Variants in GRID2 observed in about 807,000 individuals in gnomAD.
GRID2 encodes glutamate ionotropic receptor delta type subunit 2.
A neutral mutation model predicts 114.8 loss-of-function variants in GRID2; 33 were observed. The ratio of observed to expected loss-of-function variants is 0.29; its 90% CI spans 0.22 to 0.38. GRID2 has a LOEUF of 0.38. GRID2 is among the 10% of genes least tolerant of loss of function. The pLI is 1.00. For synonymous variants in GRID2, 505 were observed against 449.9 expected (o/e 1.12, Z -1.55); for missense variants, 1,184 against 1,257.7 (o/e 0.94, Z 0.89).
intron 8 of GRID2, among the ~76,000 whole-genome samples, chr4:93,272,739 G>GGA (rs375730647): frequency 8.5e-4 from 130 of 152,264 alleles, no homozygotes; most frequent in African/African-American, 3.0e-3. Flanking sequence ...AGACTGGTGT[G>GGA]GAGACTACTG....
At chr4:93,205,440 G>T (rs2149466794) in intron 4 of GRID2, among the ~76,000 whole-genome samples, 1 of 152,166 alleles carries the variant, frequency 6.6e-6, no homozygotes, top group East Asian at 1.9e-4. Flanking sequence ...AGTTTGCTGA[G>T]AATGATGGTT....
chr4:92,913,243 C>T (rs1035571281), intron 2 of GRID2, among the ~76,000 whole-genome samples: 1 of 151,840 alleles, frequency 6.6e-6, no homozygotes, highest in African/African-American at 2.4e-5. Context: ...TTTGTCTCCT[C>T]ACCTTGGTTC....
At chr4:93,420,401 A>C (rs977121002) in intron 9 of GRID2, among the ~76,000 whole-genome samples, 68 of 152,334 alleles carry the variant, frequency 4.5e-4, no homozygotes, top group African/African-American at 1.4e-3. Flanking sequence ...GGCTAGCTCT[A>C]TAAGTTGTCC....
At chr4:92,775,167 A>G (rs981009452) in intron 2 of GRID2, among the ~76,000 whole-genome samples, 4 of 152,110 alleles carry the variant, frequency 2.6e-5, no homozygotes, top group African/African-American at 7.2e-5. Context: ...TCTTCTTCCA[A>G]TTACTCAGAA....
intron 1 of GRID2, among the ~76,000 whole-genome samples, chr4:93,779,662 C>T (rs1734440861): frequency 6.6e-6 from 1 of 152,090 alleles, no homozygotes; most frequent in African/African-American, 2.4e-5. Flanking sequence ...AGAAAAAATA[C>T]TCTATGAAAA....
intron 2 of GRID2, among the ~76,000 whole-genome samples, chr4:92,675,795 C>G (rs951473193): frequency 6.6e-6 from 1 of 151,936 alleles, no homozygotes; most frequent in Non-Finnish European, 1.5e-5. Context: ...AACTCGTGAT[C>G]CACCCGCCTC....
chr4:92,505,505 G>T (rs1378038333), intron 1 of GRID2, among the ~76,000 whole-genome samples: 1 of 151,824 alleles, frequency 6.6e-6, no homozygotes, highest in Non-Finnish European at 1.5e-5. Flanking sequence ...ATAAAATTTT[G>T]CACAGTCAAT....
chr4:93,517,957 G>A (rs58044371), intron 13 of GRID2, among the ~76,000 whole-genome samples: 53 of 35,638 alleles, frequency 1.5e-3, no homozygotes, highest in Non-Finnish European at 2.1e-3. Flanking sequence ...ACATGTATAT[G>A]TATGTATATA....
At chr4:93,534,248 C>T (rs1731798130) in intron 13 of GRID2, among the ~76,000 whole-genome samples, 1 of 152,072 alleles carries the variant, frequency 6.6e-6, no homozygotes, top group South Asian at 2.1e-4. Flanking sequence ...ATGTCACTTA[C>T]TAATATATAA....
In GRID2 at chr4:92,319,467, G is replaced by C. The variant is rs62310998; in HGVS notation, c.88+14723G>C. 8.4e-3 allele frequency among the ~76,000 whole-genome samples: 1,276 copies of C among 152,312 alleles called. 13 individuals are homozygous for C. The highest frequency in any genetic ancestry group is 0.016 in the Admixed American group (237 of 15,288). The stretch of plus-strand genomic sequence containing the variant: ...GAAAAGTTTCCATGAAACATCCTTA[G>C]AGGCAGCAAAGAGGTTCTTTTAGAA... On this transcript the variant is annotated intron_variant, in intron 1 of 15. Coordinates refer to ENST00000282020, the MANE Select transcript of GRID2 (RefSeq NM_001510.4).
chr4:93,803,660 T>C (rs1413540816), intron 1 of GRID2, among the ~76,000 whole-genome samples: 1 of 151,888 alleles, frequency 6.6e-6, no homozygotes, highest in Admixed American at 6.6e-5. Context: ...AGATGGAGGC[T>C]GCAGCAAGCC....
At chr4:93,209,921 G>A in intron 5 of GRID2, among the ~76,000 whole-genome samples, 1 of 151,956 alleles carries the variant, frequency 6.6e-6, no homozygotes. Flanking sequence ...GTCTGTTGAT[G>A]TCCTTTGCCC....
chr4:92,344,068 A>C (rs1440630439), intron 1 of GRID2, among the ~76,000 whole-genome samples: 1 of 152,198 alleles, frequency 6.6e-6, no homozygotes, highest in Non-Finnish European at 1.5e-5. Flanking sequence ...AGGTATAAGA[A>C]AATCTGCATA....
At chr4:92,752,577 A>T (rs1290263642) in intron 2 of GRID2, among the ~76,000 whole-genome samples, 1 of 152,212 alleles carries the variant, frequency 6.6e-6, no homozygotes, top group South Asian at 2.1e-4. Flanking sequence ...TCTGTGAAAA[A>T]GTAATACATT....
chr4:92,385,586 A>G (rs2110248536), intron 1 of GRID2, among the ~76,000 whole-genome samples: 2 of 151,712 alleles, frequency 1.3e-5, no homozygotes, highest in Admixed American at 1.3e-4. Flanking sequence ...GCTCTTTGCT[A>G]CAGAGTTTTT....
At chr4:93,437,155 G>C (rs1721168519) in intron 10 of GRID2, among the ~76,000 whole-genome samples, 1 of 152,030 alleles carries the variant, frequency 6.6e-6, no homozygotes, top group East Asian at 1.9e-4. Flanking sequence ...TACTAGCACT[G>C]ATATAGAGCT....
intron 13 of GRID2, among the ~76,000 whole-genome samples, chr4:93,605,045 T>C (rs2065670774): frequency 1.3e-5 from 2 of 152,158 alleles, no homozygotes; most frequent in Admixed American, 6.5e-5. Flanking sequence ...AATGTATAGA[T>C]ATGAAGGAGC....
rs535302464 is a variant in GRID2, at chr4:92,722,561, A to G, written c.244+132275A>G. On this transcript the variant is annotated intron_variant, in intron 2 of 15. Transcript: ENST00000282020. ...TGACAAGGGGAAAGAGAAAAAGAAGATATTAACTAAGTGTGGCCCAGTTAA... is the reference window on the plus strand; with the variant it reads ...TGACAAGGGGAAAGAGAAAAAGAAGGTATTAACTAAGTGTGGCCCAGTTAA... Among the ~76,000 whole-genome samples the G allele has an allele frequency of 3.3e-5, 5 of 152,198 alleles. No homozygotes were observed. The South Asian group carries it at 1.0e-3, about 32-fold the overall frequency.
rs1450184230 is a variant in GRID2 at position 92,485,404 on chromosome 4, T to C, written c.89-104727T>C. Among the ~76,000 whole-genome samples, 3 of 146,078 alleles carry C rather than the reference T, an allele frequency of 2.1e-5. No individual in the cohort carries two copies. The East Asian group carries it at 6.0e-4, about 29-fold the overall frequency. The stretch of plus-strand genomic sequence containing the variant: ...GTGTGTATATAATTCAGGACCATTA[T>C]AAAGAGAAAAATAGGCCAGTCCTGG... On this transcript the variant is annotated intron_variant, in intron 1 of 15. Transcript: ENST00000282020.
Sources: allele counts gnomAD v4.1 joint callset (sites outside exome capture counted in the v4.1 genomes callset), GRCh38; gene constraint gnomAD v4.1.1; transcripts MANE v1.5; gene names NCBI Gene and HGNC (gene_info 2026-07-23, HGNC 2026-07-21).